OSTF1: variants seen among roughly 807,000 people sequenced by gnomAD.
The protein encoded by OSTF1 is osteoclast stimulating factor 1.
OSTF1 carries 27 observed loss-of-function variants against 37.2 expected under a neutral mutation model. That is an observed-to-expected ratio of 0.73 (90% CI 0.54 to 1.00). The LOEUF is 1.00. Among genes scored for constraint, OSTF1 ranks in the 50% least tolerant of loss-of-function variants. OSTF1 has a pLI of 0.00. For missense variants in OSTF1, 232 were observed against 253.8 expected, an observed-to-expected ratio of 0.91 and a Z score of 0.58; for synonymous variants, 82 against 89.2, an observed-to-expected ratio of 0.92 and a Z score of 0.46.
At chr9:75,133,809 C>G (rs1825803302) in intron 6 of OSTF1, among the ~76,000 whole-genome samples, 1 of 152,176 alleles carries the variant, frequency 6.6e-6, no homozygotes, top group Non-Finnish European at 1.5e-5. Flanking sequence ...AAGAGAAAGC[C>G]AACATTTGCC....
At chr9:75,131,637 A>G in intron 4 of OSTF1, 133 bp from the exon 5 acceptor site, 1 of 659,688 alleles carries the variant, frequency 1.5e-6, no homozygotes, top group East Asian at 2.7e-5. Context: ...CTTTTTATCC[A>G]CATTAAGTAA....
chr9:75,141,769 A>G (rs756102643), intron 9 of OSTF1, among the ~76,000 whole-genome samples: 2 of 152,128 alleles, frequency 1.3e-5, no homozygotes, highest in Non-Finnish European at 2.9e-5. Context: ...ATTTTTTTAG[A>G]TGGAGTCTTA....
intron 1 of OSTF1, among the ~76,000 whole-genome samples, chr9:75,101,030 A>G (rs1036896551): frequency 2.6e-5 from 4 of 152,080 alleles, no homozygotes; most frequent in African/African-American, 9.7e-5. Flanking sequence ...CTTGGAAAAT[A>G]CCTTGACATT....
At chr9:75,129,339 T>C (rs1168484268) in intron 3 of OSTF1, among the ~76,000 whole-genome samples, 2 of 152,228 alleles carry the variant, frequency 1.3e-5, no homozygotes, top group Admixed American at 6.5e-5. Context: ...ATGAATTTCT[T>C]ACCTGGGCAA....
Position 75,088,683 on chromosome 9 carries a change from A to G in OSTF1, c.-10A>G. ...CGGGGTCTTTAGGATTTGCAGCTCC[A>G]GGAAGCGAGATGTCGAAGCCGCCAC... On this transcript the variant is annotated 5_prime_UTR_variant, in exon 1 of 10. Coordinates refer to ENST00000346234, the MANE Select transcript of OSTF1 (RefSeq NM_012383.5). 1 of 1,607,982 alleles carries G rather than the reference A, an allele frequency of 6.2e-7. No individual in the cohort carries two copies. The highest frequency in any genetic ancestry group is 8.5e-7 in the Non-Finnish European group (1 of 1,177,058).
chr9:75,135,733 G>A (rs1012507034), intron 7 of OSTF1, among the ~76,000 whole-genome samples: 2 of 152,220 alleles, frequency 1.3e-5, no homozygotes, highest in Non-Finnish European at 2.9e-5. Flanking sequence ...TCTGCTCAGG[G>A]TCTCCCAGGT....
At chr9:75,111,811 CTTTTTTTTTTT>C (rs535464490) in intron 1 of OSTF1, among the ~76,000 whole-genome samples, 9 of 52,160 alleles carry the variant, frequency 1.7e-4, no homozygotes, top group Non-Finnish European at 2.6e-4. Context: ...ATGTTTACTG[CTTTTTTTTTTT>C]TTTTTTTTTT....
At chr9:75,100,317 A>G (rs1825167315) in intron 1 of OSTF1, among the ~76,000 whole-genome samples, 1 of 152,190 alleles carries the variant, frequency 6.6e-6, no homozygotes. Context: ...CATTCCTAGA[A>G]GTTTAAGAAA....
intron 8 of OSTF1, among the ~76,000 whole-genome samples, chr9:75,140,382 T>TATGGGAATAATGAATTGCCTC (rs1185360837): frequency 1.2e-4 from 19 of 152,372 alleles, no homozygotes; most frequent in African/African-American, 4.6e-4. Flanking sequence ...GAAGATGGCT[T>TATGGGAATAATGAATTGCCTC]ATGGGAATAA....
chr9:75,120,566 G>A (rs1330704605), intron 2 of OSTF1, among the ~76,000 whole-genome samples: 1 of 152,060 alleles, frequency 6.6e-6, no homozygotes, highest in Non-Finnish European at 1.5e-5. Context: ...CGTATGCTTC[G>A]TTGTCTTCGC....
At chr9:75,117,398 C>T (rs1310712067) in intron 1 of OSTF1, 106 bp from the exon 2 acceptor site, 9 of 737,692 alleles carry the variant, frequency 1.2e-5, no homozygotes, top group Non-Finnish European at 2.1e-5. Context: ...TCTACTTGAT[C>T]ACATGGGTTT....
intron 1 of OSTF1, 75 bp from the exon 2 acceptor site, chr9:75,117,429 G>A: frequency 2.1e-6 from 2 of 968,164 alleles, no homozygotes; most frequent in Non-Finnish European, 3.3e-6. Context: ...AATTCTGAAG[G>A]ATATAATGGA....
At chr9:75,096,550 A>G (rs1238212946) in intron 1 of OSTF1, among the ~76,000 whole-genome samples, 1 of 152,154 alleles carries the variant, frequency 6.6e-6, no homozygotes, top group East Asian at 1.9e-4. Context: ...CAGGCCCTTT[A>G]CAAGGGTCTC....
intron 5 of OSTF1, among the ~76,000 whole-genome samples, chr9:75,132,076 T>G (rs1825769530): frequency 6.6e-6 from 1 of 152,222 alleles, no homozygotes; most frequent in Admixed American, 6.5e-5. Flanking sequence ...TGTGGGGAGA[T>G]GCAAGTCGAA....
At chr9:75,140,982 T>G in intron 9 of OSTF1, 50 bp downstream of exon 9, 1 of 1,300,200 alleles carries the variant, frequency 7.7e-7, no homozygotes, top group Admixed American at 1.7e-5. Context: ...TAACTAAGAT[T>G]TATTAACTTA....
At chr9:75,138,175 T>C (rs1306019207) in intron 8 of OSTF1, among the ~76,000 whole-genome samples, 1 of 152,204 alleles carries the variant, frequency 6.6e-6, no homozygotes, top group Non-Finnish European at 1.5e-5. Context: ...ATTAGTTTAC[T>C]CTTAGAGAAG....
At chr9:75,119,837 A>G (rs190935698) in intron 2 of OSTF1, among the ~76,000 whole-genome samples, 11 of 152,154 alleles carry the variant, frequency 7.2e-5, no homozygotes, top group Non-Finnish European at 1.3e-4. Context: ...GGTGGTGTGC[A>G]CCTGTAACCC....
Position 75,088,590 on chromosome 9 carries a change from T to C in OSTF1, c.-103T>C, listed in dbSNP as rs1824851935. The C allele has an allele frequency of 1.6e-6, 2 of 1,278,620 alleles. No homozygotes were observed. Among genetic ancestry groups the C allele is most frequent in the Non-Finnish European group, 2.2e-6 (2 of 898,016 alleles). 79.2% of individuals were successfully genotyped at this position (1,278,620 alleles called of 1,614,324 possible). ...GCGCCGGTCCTAGGAGGCGCACGGTTGTAAGCCAGACAAAAAGAACTGGGG... is the reference window on the plus strand; with the variant it reads ...GCGCCGGTCCTAGGAGGCGCACGGTCGTAAGCCAGACAAAAAGAACTGGGG... On this transcript the variant is annotated 5_prime_UTR_variant, in exon 1 of 10. Transcript: ENST00000346234.
In OSTF1 at chr9:75,129,265, A is replaced by T. The variant is rs563878042; in HGVS notation, c.133-1313A>T. The stretch of plus-strand genomic sequence containing the variant: ...TTGGTCAGCATGAGAGAATGCTAGG[A>T]AATCAGGTTTTTATTCTGACAACTG... On this transcript the variant is annotated intron_variant, in intron 3 of 9. Coordinates refer to ENST00000346234, the MANE Select transcript of OSTF1 (RefSeq NM_012383.5). Among the ~76,000 whole-genome samples, 3 of 152,302 alleles carry T rather than the reference A, an allele frequency of 2.0e-5. No individual in the cohort carries two copies. In the South Asian group the frequency reaches 6.2e-4, roughly 32 times the overall value.
Sources: allele counts gnomAD v4.1 joint callset (sites outside exome capture counted in the v4.1 genomes callset), GRCh38; gene constraint gnomAD v4.1.1; transcripts MANE v1.5; gene names NCBI Gene and HGNC (gene_info 2026-07-23, HGNC 2026-07-21).